MICAL2: variants seen among roughly 807,000 people sequenced by gnomAD.
MICAL2 encodes microtubule associated monooxygenase, calponin and LIM domain containing 2.
Under a neutral mutation model 127.3 loss-of-function variants are expected in MICAL2, and 77 were observed. That is an observed-to-expected ratio of 0.60 (90% confidence interval 0.50 to 0.73). The LOEUF is 0.73. Ranked by LOEUF, MICAL2 falls within the 30% of genes least tolerant of loss-of-function variation. MICAL2 has a pLI of 0.00. For missense variants in MICAL2, 1,351 were observed against 1,434.4 expected, an observed-to-expected ratio of 0.94 and a Z score of 0.94; for synonymous variants, 570 against 551.1, an observed-to-expected ratio of 1.03 and a Z score of -0.48.
chr11:12,216,018 A>G (rs1019925948), intron 7 of MICAL2, among the ~76,000 whole-genome samples: 13 of 152,158 alleles, frequency 8.5e-5, no homozygotes, highest in African/African-American at 3.1e-4. Flanking sequence ...CCGCTATAGA[A>G]CTATAGAAGC....
chr11:12,252,326 T>C (rs1298706919), intron 22 of MICAL2, among the ~76,000 whole-genome samples: 3 of 152,174 alleles, frequency 2.0e-5, no homozygotes, highest in African/African-American at 4.8e-5. Context: ...CCCTCCCAGG[T>C]TGGGCCAGAG....
chr11:12,290,946 C>T (rs1246892389), downstream of MICAL2, among the ~76,000 whole-genome samples: 2 of 152,138 alleles, frequency 1.3e-5, no homozygotes, highest in African/African-American at 2.4e-5. Context: ...TGAGGAAGAG[C>T]TTTTCACTCA....
intron 2 of MICAL2, among the ~76,000 whole-genome samples, chr11:12,138,743 C>A (rs553134799): frequency 6.6e-6 from 1 of 152,186 alleles, no homozygotes; most frequent in Non-Finnish European, 1.5e-5. Context: ...CCTGTCTGAG[C>A]CAGGCAGCAA....
intron 3 of MICAL2, among the ~76,000 whole-genome samples, chr11:12,171,859 T>C (rs1480055181): frequency 6.6e-6 from 1 of 152,218 alleles, no homozygotes; most frequent in Non-Finnish European, 1.5e-5. Context: ...TAAAGACGTG[T>C]TGAAATTGTA....
intron 21 of MICAL2, among the ~76,000 whole-genome samples, chr11:12,248,638 T>G (rs1389442351): frequency 6.9e-6 from 1 of 144,384 alleles, no homozygotes; most frequent in Admixed American, 7.0e-5. Flanking sequence ...TTCTCTACCC[T>G]TGGGGTGTTT....
At chr11:12,220,147 A>T in intron 8 of MICAL2, 54 bp from the exon 9 acceptor site, 1 of 1,603,844 alleles carries the variant, frequency 6.2e-7, no homozygotes, top group Non-Finnish European at 8.5e-7. Flanking sequence ...GGTGGGTATG[A>T]AGGCTAGCCC....
intron 7 of MICAL2, among the ~76,000 whole-genome samples, chr11:12,215,298 GC>G (rs1378937229): frequency 6.6e-6 from 1 of 152,160 alleles, no homozygotes; most frequent in African/African-American, 2.4e-5. Flanking sequence ...TCTCCTGGGG[GC>G]CCTCTGCATT....
intron 30 of MICAL2, among the ~76,000 whole-genome samples, chr11:12,321,207 G>A (rs1006500713): frequency 5.3e-5 from 8 of 152,234 alleles, no homozygotes; most frequent in Admixed American, 2.0e-4. Flanking sequence ...AAGCATGCCC[G>A]CTTCACCTGG....
intron 2 of MICAL2, among the ~76,000 whole-genome samples, chr11:12,160,830 C>T (rs1383876030): frequency 1.3e-5 from 2 of 152,162 alleles, no homozygotes; most frequent in African/African-American, 2.4e-5. Flanking sequence ...GAGTGGTGCC[C>T]GACTCTTGCT....
chr11:12,176,946 T>C (rs1856907929), intron 3 of MICAL2, among the ~76,000 whole-genome samples: 1 of 152,246 alleles, frequency 6.6e-6, no homozygotes, highest in Non-Finnish European at 1.5e-5. Context: ...TACGTATCTA[T>C]TTCTTCATGA....
At chr11:12,234,673 A>G (rs954955296) in intron 15 of MICAL2, among the ~76,000 whole-genome samples, 1 of 152,226 alleles carries the variant, frequency 6.6e-6, no homozygotes, top group Non-Finnish European at 1.5e-5. Context: ...GTCTTTAAAA[A>G]CAAACAAAAA....
At chr11:12,236,285 C>G (rs377121351) in intron 16 of MICAL2, 40 bp downstream of exon 16, 2 of 1,592,622 alleles carry the variant, frequency 1.3e-6, no homozygotes, top group African/African-American at 2.7e-5. Context: ...AGGCTCGTTT[C>G]CTGACAACCA....
At position 12,285,339 on chromosome 11, in the gene MICAL2, G is replaced by A. The variant is rs145349432; in HGVS notation, c.255-1748G>A. On this transcript the variant is annotated intron_variant, in intron 2 of 2. Transcript: ENST00000529028. ...GCAATTTGGGAAGGTTCGGAATCTT[G>A]CAACTTCCAGCTGCATGACTCTTAA... Among the ~76,000 whole-genome samples, 142 of 152,304 alleles carry A rather than the reference G, an allele frequency of 9.3e-4. No individual in the cohort carries two copies. In the East Asian group the frequency reaches 0.025, roughly 27 times the overall value.
chr11:12,178,248 G>A (rs1171080310), intron 3 of MICAL2, among the ~76,000 whole-genome samples: 1 of 152,210 alleles, frequency 6.6e-6, no homozygotes, highest in East Asian at 1.9e-4. Context: ...AGACATGGAA[G>A]CTGCTGACAA....
At position 12,165,155 on chromosome 11, in the gene MICAL2, A is replaced by G. The variant is rs1031114153; in HGVS notation, c.264+2736A>G. Among the ~76,000 whole-genome samples, 295 of 105,272 alleles carry G rather than the reference A, an allele frequency of 2.8e-3. 1 individual carries two copies. The highest frequency in any genetic ancestry group is 0.011 in the African/African-American group (286 of 26,568). The allele number at this position is 105,272 out of a possible 152,430, so 69.1% of individuals were successfully genotyped here. A position where few individuals can be genotyped will look rare whatever the true frequency, so the allele number is the denominator to read the frequency against. On this transcript the variant is annotated intron_variant, in intron 3 of 27. Coordinates refer to ENST00000683283, the MANE Select transcript of MICAL2 (RefSeq NM_001282663.2). Reference sequence around the variant, plus strand: ...CTCCATCTCAAAAAAAAAAAAAAAAAGAAAAGAAAGAAAGAAAGAAATAAA... The same window carrying G: ...CTCCATCTCAAAAAAAAAAAAAAAAGGAAAAGAAAGAAAGAAAGAAATAAA...
intron 32 of MICAL2, among the ~76,000 whole-genome samples, chr11:12,338,205 G>T (rs1565309461): frequency 6.6e-6 from 1 of 152,160 alleles, no homozygotes; most frequent in South Asian, 2.1e-4. Context: ...TTACCATTAT[G>T]TAATGGCCTT....
At chr11:12,252,814 G>A (rs1421750272) in intron 22 of MICAL2, 1 of 152,188 alleles carries the variant, frequency 6.6e-6, no homozygotes, top group Non-Finnish European at 1.5e-5. Flanking sequence ...GGTTTTGATG[G>A]AAGTCATCAT....
At chr11:12,224,864 A>G in intron 13 of MICAL2, 44 bp downstream of exon 13, 1 of 1,582,694 alleles carries the variant, frequency 6.3e-7, no homozygotes, top group South Asian at 1.1e-5. Flanking sequence ...GAGGGATGCC[A>G]AGGCCATTCT....
chr11:12,159,242 A>G (rs1479724584), intron 2 of MICAL2, among the ~76,000 whole-genome samples: 1 of 152,106 alleles, frequency 6.6e-6, no homozygotes, highest in African/African-American at 2.4e-5. Flanking sequence ...GTGGCCATTG[A>G]TTGGGGTGCG....
Sources: gnomAD v4.1 joint callset for allele counts (sites outside exome capture counted in the v4.1 genomes callset) on GRCh38, gnomAD v4.1.1 for gene constraint, MANE v1.5 for transcripts, NCBI Gene and HGNC (gene_info 2026-07-23, HGNC 2026-07-21) for gene names.